Variants in IL19 observed in about 807,000 individuals in gnomAD.
The protein encoded by IL19 is interleukin-19.
A neutral mutation model predicts 19.5 loss-of-function variants in IL19; 15 were observed. The ratio of observed to expected loss-of-function variants is 0.77; its 90% CI spans 0.52 to 1.19. IL19 has a LOEUF of 1.19. Among genes scored for constraint, IL19 ranks in the 50% most tolerant of loss-of-function variants. The pLI is 0.00. For missense variants in IL19, 199 were observed against 213.1 expected (o/e 0.93, Z 0.41); for synonymous variants, 78 against 78.3 (o/e 1.00, Z 0.02).
rs1245720420 is a variant in IL19, at chr1:206,819,673, G to C, written c.-2-16988G>C. On this transcript the variant is annotated intron_variant, in intron 2 of 6. Transcript: ENST00000659997. ...TGTGGCTAGAGGCCAACATATTGGA[G>C]AGTTCAGATTATAGAACATTTCTGC... Among the ~76,000 whole-genome samples the C allele has an allele frequency of 4.6e-5, 7 of 152,232 alleles. No homozygotes were observed. In the East Asian group the frequency reaches 1.3e-3, roughly 29 times the overall value.
At chr1:206,771,484 G>A (rs1276239280) in intron 1 of IL19, 8 of 1,277,572 alleles carry the variant, frequency 6.3e-6, no homozygotes, top group Non-Finnish European at 8.9e-6. Context: ...TCTTTTTGAT[G>A]CCCTTTCATT....
At chr1:206,838,751 C>CTTCCT (rs1676889583) in intron 4 of IL19, among the ~76,000 whole-genome samples, 1 of 70,574 alleles carries the variant, frequency 1.4e-5, no homozygotes, top group African/African-American at 8.3e-5. Flanking sequence ...CTTCCCTTCC[C>CTTCCT]TTCCCTTCCC....
intron 1 of IL19, among the ~76,000 whole-genome samples, chr1:206,781,143 C>T (rs1158741230): frequency 1.3e-5 from 2 of 152,080 alleles, no homozygotes; most frequent in East Asian, 3.9e-4. Context: ...CTTCCAGAAA[C>T]CTTATAAAAG....
chr1:206,824,305 G>T (rs1676374549), intron 2 of IL19, among the ~76,000 whole-genome samples: 1 of 152,168 alleles, frequency 6.6e-6, no homozygotes, highest in Non-Finnish European at 1.5e-5. Context: ...CTTCCCTATT[G>T]ATATGGAAGA....
chr1:206,775,930 C>G (rs1240669443), intron 1 of IL19, among the ~76,000 whole-genome samples: 1 of 152,242 alleles, frequency 6.6e-6, no homozygotes, highest in Non-Finnish European at 1.5e-5. Context: ...CTGTGAGCTT[C>G]TTGAGGCCAA....
Position 206,842,681 on chromosome 1 carries a change from G to GCTGTCTCCCAC in IL19, c.*59_*60insCTGTCTCCCAC. ...ACACCCCCTGTGCGGTTTACTGTGG[G>GCTGTCTCCCAC]AGACAGCCCACCTTGAAGGGGAAGG... On this transcript the variant is annotated 3_prime_UTR_variant, in exon 7 of 7. Transcript: ENST00000659997. The GCTGTCTCCCAC allele has an allele frequency of 9.7e-7, 1 of 1,028,108 alleles. No homozygotes were observed. The highest frequency in any genetic ancestry group is 1.5e-6 in the Non-Finnish European group (1 of 679,808). 63.7% of individuals were successfully genotyped at this position (1,028,108 alleles called of 1,614,324 possible). A position where few individuals can be genotyped will look rare whatever the true frequency, so the allele number is the denominator to read the frequency against.
At chr1:206,811,767 T>A (rs968157213) in intron 2 of IL19, among the ~76,000 whole-genome samples, 3 of 152,046 alleles carry the variant, frequency 2.0e-5, no homozygotes, top group African/African-American at 7.2e-5. Flanking sequence ...ATGGTACAAC[T>A]CCCTAAAAGT....
chr1:206,830,577 T>TTTTATA (rs386369449), intron 2 of IL19, among the ~76,000 whole-genome samples: 9 of 150,018 alleles, frequency 6.0e-5, no homozygotes, highest in Admixed American at 1.3e-4. Flanking sequence ...ATTATCAGTT[T>TTTTATA]TATATATATA....
chr1:206,829,226 C>T (rs1676524317), intron 2 of IL19: 1 of 152,124 alleles, frequency 6.6e-6, no homozygotes, highest in Non-Finnish European at 1.5e-5. Context: ...AATACAAATA[C>T]AAGACACCCA....
chr1:206,778,634 A>G (rs1413006613), intron 1 of IL19, among the ~76,000 whole-genome samples: 1 of 152,164 alleles, frequency 6.6e-6, no homozygotes, highest in Non-Finnish European at 1.5e-5. Flanking sequence ...GAAATTCTCA[A>G]TAACTGTTGA....
At position 206,837,000 on chromosome 1, in the gene IL19, T is replaced by C. The variant is rs1179542650; in HGVS notation, c.187T>C (p.Leu63=). The part of the protein sequence containing the change: ...TFPNVTILST[L]ETLQIIKPLD... ...CCCAAATGTCACTATCCTGTCCACA[T>C]TGGAGACTCTGCAGATCATTAAGGT... Residue 63 remains leucine, a synonymous_variant, in exon 4 of 7, where the codon TTG becomes CTG. Coordinates refer to ENST00000659997, the MANE Select transcript of IL19 (RefSeq NM_153758.5). 4 of 1,613,760 alleles carry C rather than the reference T, an allele frequency of 2.5e-6. No individual in the cohort carries two copies. Among genetic ancestry groups the C allele is most frequent in the Non-Finnish European group, 3.4e-6 (4 of 1,179,634 alleles).
chr1:206,824,998 T>G (rs1676394548), intron 2 of IL19, among the ~76,000 whole-genome samples: 1 of 152,190 alleles, frequency 6.6e-6, no homozygotes, highest in African/African-American at 2.4e-5. Context: ...TCAGGCAATC[T>G]GTCCACCTCG....
At position 206,807,049 on chromosome 1, in the gene IL19, G is replaced by A. The variant is rs115648337; in HGVS notation, c.-3+8043G>A. Among the ~76,000 whole-genome samples, 1,482 of 152,286 alleles carry A rather than the reference G, an allele frequency of 9.7e-3. 31 individuals are homozygous for A. The highest frequency in any genetic ancestry group is 0.034 in the African/African-American group (1,425 of 41,540). ...CAGGAAACTTACAATCATGGCATAA[G>A]TGGAAGCAAACATGTCCTTCTTCAT... On this transcript the variant is annotated intron_variant, in intron 2 of 6. Transcript: ENST00000659997.
intron 1 of IL19, among the ~76,000 whole-genome samples, chr1:206,795,515 C>T (rs947151658): frequency 2.0e-5 from 3 of 152,176 alleles, no homozygotes; most frequent in African/African-American, 7.2e-5. Context: ...CTACTCAACC[C>T]AAGCCAACTC....
At chr1:206,792,369 C>A (rs1180565814) in intron 1 of IL19, among the ~76,000 whole-genome samples, 4 of 152,172 alleles carry the variant, frequency 2.6e-5, no homozygotes, top group African/African-American at 9.7e-5. Flanking sequence ...TGCTCCCTGA[C>A]AGGGCCACCC....
chr1:206,773,173 G>A (rs1646026331), intron 1 of IL19, among the ~76,000 whole-genome samples: 1 of 152,162 alleles, frequency 6.6e-6, no homozygotes, highest in South Asian at 2.1e-4. Context: ...TGTGCTTGGG[G>A]GAAGTGGGTA....
chr1:206,836,877 G>A (rs1185093520), intron 3 of IL19, 71 bp downstream of exon 3: 1 of 1,605,322 alleles, frequency 6.2e-7, no homozygotes, highest in African/African-American at 1.3e-5. Context: ...TTGAAAATGA[G>A]TTCCTTCTCA....
chr1:206,795,927 ATGTGTGTG>A (rs71570039), intron 1 of IL19, among the ~76,000 whole-genome samples: 5 of 133,628 alleles, frequency 3.7e-5, no homozygotes, highest in South Asian at 4.8e-4. Context: ...AAATATATAT[ATGTGTGTG>A]TGTGTGTGTG....
intron 1 of IL19, among the ~76,000 whole-genome samples, chr1:206,778,457 G>T (rs1220856154): frequency 6.6e-6 from 1 of 152,132 alleles, no homozygotes. Context: ...TTTAGCTCCA[G>T]GACTGTCCCT....
Sources: allele counts gnomAD v4.1 joint callset (sites outside exome capture counted in the v4.1 genomes callset), GRCh38; gene constraint gnomAD v4.1.1; transcripts MANE v1.5; gene names NCBI Gene and HGNC (gene_info 2026-07-23, HGNC 2026-07-21).